The following COL8A1 variants were observed in gnomAD, a reference collection of about 807,000 sequenced individuals.
COL8A1 encodes the protein collagen type VIII alpha 1 chain.
In COL8A1, 21 loss-of-function variants were observed where a neutral mutation model predicts 42.7. The observed-to-expected ratio is 0.49, with a 90% CI of 0.35 to 0.71. COL8A1 has a LOEUF of 0.71. Among genes scored for constraint, COL8A1 ranks in the 30% least tolerant of loss-of-function variants. The pLI is 0.01. For synonymous variants in COL8A1, 367 were observed against 369.1 expected, an observed-to-expected ratio of 0.99 and a Z score of 0.06; for missense variants, 788 against 962.4, an observed-to-expected ratio of 0.82 and a Z score of 2.40.
chr3:99,776,934 C>A (rs886401454), intron 2 of COL8A1, among the ~76,000 whole-genome samples: 5 of 152,178 alleles, frequency 3.3e-5, no homozygotes, highest in Non-Finnish European at 7.3e-5. Context: ...CTTTATCATG[C>A]TAATGCATTA....
chr3:99,667,983 T>C (rs1337753274), intron 1 of COL8A1, among the ~76,000 whole-genome samples: 1 of 152,120 alleles, frequency 6.6e-6, no homozygotes, highest in Non-Finnish European at 1.5e-5. Flanking sequence ...ATTTTCTCCA[T>C]ATGAGCTGGA....
At chr3:99,696,379 T>C (rs1329994939) in intron 1 of COL8A1, among the ~76,000 whole-genome samples, 2 of 152,164 alleles carry the variant, frequency 1.3e-5, no homozygotes, top group Non-Finnish European at 2.9e-5. Context: ...GGTCCTATCC[T>C]CAAGGGCAGG....
At chr3:99,672,386 C>G (rs558131955) in intron 1 of COL8A1, among the ~76,000 whole-genome samples, 3 of 151,736 alleles carry the variant, frequency 2.0e-5, no homozygotes, top group African/African-American at 4.8e-5. Flanking sequence ...CTAACTTCTC[C>G]TGTATTTTCC....
At chr3:99,773,837 ATTTT>A (rs1172723632) in intron 2 of COL8A1, among the ~76,000 whole-genome samples, 3 of 45,398 alleles carry the variant, frequency 6.6e-5, no homozygotes, top group African/African-American at 2.6e-4. Context: ...ATATATATAT[ATTTT>A]TTTTTTTTTT....
chr3:99,717,609 A>G (rs1940034152), intron 1 of COL8A1, among the ~76,000 whole-genome samples: 1 of 152,030 alleles, frequency 6.6e-6, no homozygotes, highest in Admixed American at 6.6e-5. Context: ...TTGAAAACTG[A>G]GCCCTCACCG....
intron 1 of COL8A1, among the ~76,000 whole-genome samples, chr3:99,639,155 C>T (rs112097244): frequency 3.3e-5 from 5 of 152,130 alleles, no homozygotes; most frequent in African/African-American, 1.2e-4. Context: ...AAATATCTTT[C>T]CAGGTTTTAG....
intron 1 of COL8A1, among the ~76,000 whole-genome samples, chr3:99,664,358 A>G (rs1052280390): frequency 2.6e-5 from 4 of 152,142 alleles, no homozygotes; most frequent in Non-Finnish European, 4.4e-5. Flanking sequence ...TGGCTCTACT[A>G]AGCCATCTTT....
intron 1 of COL8A1, among the ~76,000 whole-genome samples, chr3:99,733,929 T>G (rs1046881575): frequency 6.6e-6 from 1 of 152,202 alleles, no homozygotes; most frequent in Non-Finnish European, 1.5e-5. Flanking sequence ...ATGTGTTTTT[T>G]GGCTGCATAA....
At chr3:99,662,728 T>C (rs950938708) in intron 1 of COL8A1, among the ~76,000 whole-genome samples, 10 of 152,170 alleles carry the variant, frequency 6.6e-5, no homozygotes, top group African/African-American at 2.4e-4. Context: ...AGAAAATATC[T>C]GTTCCATGCC....
chr3:99,776,216 TG>T (rs1286830303), intron 2 of COL8A1, among the ~76,000 whole-genome samples: 1 of 152,082 alleles, frequency 6.6e-6, no homozygotes, highest in Non-Finnish European at 1.5e-5. Flanking sequence ...AAGCACCAGA[TG>T]GGACTCAGAA....
At chr3:99,673,189 A>G (rs1938597905) in intron 1 of COL8A1, among the ~76,000 whole-genome samples, 1 of 151,976 alleles carries the variant, frequency 6.6e-6, no homozygotes, top group Admixed American at 6.6e-5. Flanking sequence ...TTTTTTAACA[A>G]TTAAGAAATG....
intron 2 of COL8A1, among the ~76,000 whole-genome samples, chr3:99,784,844 G>C (rs1410531233): frequency 6.6e-6 from 1 of 152,126 alleles, no homozygotes; most frequent in Non-Finnish European, 1.5e-5. Flanking sequence ...ATAATGCTGA[G>C]TTACTTACCT....
At chr3:99,666,549 C>G (rs1046306855) in intron 1 of COL8A1, among the ~76,000 whole-genome samples, 9 of 152,196 alleles carry the variant, frequency 5.9e-5, no homozygotes, top group Non-Finnish European at 1.2e-4. Flanking sequence ...GGATCCTCCT[C>G]AAACACATTA....
intron 1 of COL8A1, among the ~76,000 whole-genome samples, chr3:99,654,316 A>C (rs561407826): frequency 1.3e-5 from 2 of 152,242 alleles, no homozygotes; most frequent in South Asian, 4.1e-4. Context: ...ACCCTCACAG[A>C]CACACCCAGG....
intron 2 of COL8A1, among the ~76,000 whole-genome samples, chr3:99,771,389 A>G: frequency 6.6e-6 from 1 of 152,230 alleles, no homozygotes; most frequent in East Asian, 1.9e-4. Flanking sequence ...AATTCTAACT[A>G]GAAGTTTAAT....
intron 2 of COL8A1, among the ~76,000 whole-genome samples, chr3:99,781,024 C>T (rs574147410): frequency 6.6e-6 from 1 of 152,200 alleles, no homozygotes; most frequent in South Asian, 2.1e-4. Flanking sequence ...TAGAGACTGC[C>T]CTCTCTGTGG....
chr3:99,697,652 A>C (rs1413394349), intron 1 of COL8A1, among the ~76,000 whole-genome samples: 1 of 152,170 alleles, frequency 6.6e-6, no homozygotes, highest in Non-Finnish European at 1.5e-5. Flanking sequence ...AGGACTACAA[A>C]TTCTCACTGA....
chr3:99,767,198 A>G (rs1260689473), intron 2 of COL8A1, among the ~76,000 whole-genome samples: 5 of 152,208 alleles, frequency 3.3e-5, no homozygotes, highest in African/African-American at 9.7e-5. Context: ...TTTACAATAC[A>G]ACTTCATTCA....
intron 1 of COL8A1, among the ~76,000 whole-genome samples, chr3:99,663,018 G>A (rs1938255304): frequency 6.6e-6 from 1 of 152,154 alleles, no homozygotes; most frequent in Non-Finnish European, 1.5e-5. Flanking sequence ...TCTGACAAAT[G>A]CAGGTGTAAA....
Sources: allele counts gnomAD v4.1 joint callset (sites outside exome capture counted in the v4.1 genomes callset), GRCh38; gene constraint gnomAD v4.1.1; transcripts MANE v1.5; gene names NCBI Gene and HGNC (gene_info 2026-07-23, HGNC 2026-07-21).